CARMIL1: variants seen among roughly 807,000 people sequenced by gnomAD.
CARMIL1 encodes F-actin-uncapping protein LRRC16A.
Under a neutral mutation model 177.1 loss-of-function variants are expected in CARMIL1, and 90 were observed. The ratio of observed to expected loss-of-function variants is 0.51; its 90% confidence interval spans 0.43 to 0.61. The LOEUF (loss-of-function observed/expected upper bound fraction) is 0.61. Among genes scored for constraint, CARMIL1 ranks in the 20% least tolerant of loss-of-function variants. The pLI is 0.00. For missense variants in CARMIL1, 1,380 were observed against 1,667.0 expected, an observed-to-expected ratio of 0.83 and a Z score of 3.00; for synonymous variants, 577 against 606.2, an observed-to-expected ratio of 0.95 and a Z score of 0.71.
Position 25,559,143 on chromosome 6 carries a change from G to A in CARMIL1, c.2742+2293G>A, listed in dbSNP as rs554885986. Among the ~76,000 whole-genome samples the A allele has an allele frequency of 6.8e-4, 104 of 152,228 alleles. 1 individual carries two copies. Among genetic ancestry groups the A allele is most frequent in the Non-Finnish European group, 1.4e-3 (96 of 68,010 alleles). Reference sequence around the variant, plus strand: ...TGGCAGCAGCTGCCCGAAGTGCAAGGATCCCTCTCCTAAAGGAAATCGATT... The same window carrying A: ...TGGCAGCAGCTGCCCGAAGTGCAAGAATCCCTCTCCTAAAGGAAATCGATT... On this transcript the variant is annotated intron_variant, in intron 29 of 36. Coordinates refer to ENST00000329474, the MANE Select transcript of CARMIL1 (RefSeq NM_017640.6).
chr6:25,474,681 C>T (rs949247705), intron 11 of CARMIL1, among the ~76,000 whole-genome samples: 2 of 152,192 alleles, frequency 1.3e-5, no homozygotes, highest in African/African-American at 4.8e-5. Context: ...AGGAGTTTCT[C>T]TAGGGTATAC....
At chr6:25,489,546 A>G (rs570974746) in intron 13 of CARMIL1, among the ~76,000 whole-genome samples, 125 of 152,312 alleles carry the variant, frequency 8.2e-4, no homozygotes, top group African/African-American at 3.0e-3. Context: ...GATCCCCTCT[A>G]GTCACCAAGA....
chr6:25,317,515 C>CT (rs569860618), intron 2 of CARMIL1, among the ~76,000 whole-genome samples: 10,207 of 121,536 alleles, frequency 0.084, 665 homozygotes, highest in African/African-American at 0.2. Flanking sequence ...AATTCCTAAG[C>CT]TTTTTTTTTT....
At chr6:25,423,822 T>C (rs1796068300) in intron 3 of CARMIL1, among the ~76,000 whole-genome samples, 1 of 152,166 alleles carries the variant, frequency 6.6e-6, no homozygotes, top group Non-Finnish European at 1.5e-5. Context: ...ATTTAATTAG[T>C]GTAATTTCTA....
intron 2 of CARMIL1, among the ~76,000 whole-genome samples, chr6:25,396,361 T>C (rs183806265): frequency 9.4e-5 from 14 of 149,038 alleles, no homozygotes; most frequent in East Asian, 5.9e-4. Flanking sequence ...TTTTTTTTTT[T>C]CCTTTTTTTT....
chr6:25,294,697 G>C (rs546898675), intron 2 of CARMIL1, among the ~76,000 whole-genome samples: 102 of 152,204 alleles, frequency 6.7e-4, no homozygotes, highest in Admixed American at 3.7e-3. Context: ...TGGTCTTATA[G>C]TCCTCAGGCT....
At chr6:25,478,789 C>T (rs1801823064) in intron 11 of CARMIL1, among the ~76,000 whole-genome samples, 1 of 148,372 alleles carries the variant, frequency 6.7e-6, no homozygotes, top group Non-Finnish European at 1.5e-5. Context: ...GAGTGGGACT[C>T]CATCTTGGGG....
intron 2 of CARMIL1, among the ~76,000 whole-genome samples, chr6:25,409,961 T>A (rs1794760577): frequency 6.6e-6 from 1 of 152,306 alleles, no homozygotes; most frequent in African/African-American, 2.4e-5. Flanking sequence ...TACCTTAATT[T>A]CTTGATAGGA....
chr6:25,534,596 C>A (rs1246005211), intron 24 of CARMIL1, among the ~76,000 whole-genome samples: 1 of 151,956 alleles, frequency 6.6e-6, no homozygotes, highest in Non-Finnish European at 1.5e-5. Flanking sequence ...AAGCTTATAT[C>A]ATTCATTTAT....
At chr6:25,347,762 T>G (rs1384547339) in intron 2 of CARMIL1, among the ~76,000 whole-genome samples, 1 of 152,258 alleles carries the variant, frequency 6.6e-6, no homozygotes, top group African/African-American at 2.4e-5. Context: ...ACAATACTAT[T>G]AACTAAACTG....
chr6:25,396,683 C>G (rs376858785), intron 2 of CARMIL1, among the ~76,000 whole-genome samples: 16 of 152,224 alleles, frequency 1.1e-4, no homozygotes, highest in East Asian at 7.7e-4. Flanking sequence ...AAGGTAGTTT[C>G]ACTAACTCAT....
At chr6:25,434,045 C>G (rs1194576786) in intron 4 of CARMIL1, among the ~76,000 whole-genome samples, 2 of 152,052 alleles carry the variant, frequency 1.3e-5, no homozygotes. Context: ...AAGTGATAAT[C>G]TAAGAGGATT....
intron 31 of CARMIL1, among the ~76,000 whole-genome samples, chr6:25,584,026 CTT>C (rs71544648): frequency 1.5e-4 from 18 of 119,116 alleles, no homozygotes; most frequent in South Asian, 3.0e-4. Flanking sequence ...TTTTCTTTTT[CTT>C]TTTTTTTTTT....
At chr6:25,529,239 A>G (rs1440887557) in intron 24 of CARMIL1, among the ~76,000 whole-genome samples, 3 of 152,188 alleles carry the variant, frequency 2.0e-5, no homozygotes, top group South Asian at 2.1e-4. Context: ...TCACACTTCC[A>G]TGGGTAGAAT....
At chr6:25,562,749 G>A (rs752523327) in intron 29 of CARMIL1, among the ~76,000 whole-genome samples, 2 of 152,106 alleles carry the variant, frequency 1.3e-5, no homozygotes, top group Non-Finnish European at 2.9e-5. Flanking sequence ...ACTCCTAAGG[G>A]AGAAGATGGG....
chr6:25,577,639 T>G lies in CARMIL1; in HGVS notation c.2743-3285T>G. The stretch of plus-strand genomic sequence containing the variant: ...AAAAAAAGTATGTCTAGGAATTACA[T>G]GTTAAAAGTGGGTTTGACAGGAAAA... On this transcript the variant is annotated intron_variant, in intron 29 of 36. Transcript: ENST00000329474. This position sits in a 1 kb window ranked among gnomAD's most constrained non-coding sequence, Gnocchi z 4.5. Among the ~76,000 whole-genome samples, 1 of 152,120 alleles carries G rather than the reference T, an allele frequency of 6.6e-6. No individual in the cohort carries two copies. Among genetic ancestry groups the G allele is most frequent in the East Asian group, 1.9e-4 (1 of 5,190 alleles).
At chr6:25,298,633 A>G (rs988646656) in intron 2 of CARMIL1, among the ~76,000 whole-genome samples, 1 of 152,204 alleles carries the variant, frequency 6.6e-6, no homozygotes, top group Non-Finnish European at 1.5e-5. Context: ...AGTGAAAAAA[A>G]GAAAACATCA....
chr6:25,299,599 T>C lies in CARMIL1; in HGVS notation c.138+14690T>C, dbSNP rs534369514. ...GTTGTGGGGGCTGTCCTGTGCATGA[T>C]AGGATGTTTACCAGCATCTGTGGCC... On this transcript the variant is annotated intron_variant, in intron 2 of 36. Transcript: ENST00000329474. Among the ~76,000 whole-genome samples, 4 of 152,264 alleles carry C rather than the reference T, an allele frequency of 2.6e-5. No homozygotes were observed. The South Asian group carries it at 6.2e-4, about 24-fold the overall frequency.
At chr6:25,552,101 T>A (rs919322183) in intron 27 of CARMIL1, among the ~76,000 whole-genome samples, 34 of 152,122 alleles carry the variant, frequency 2.2e-4, no homozygotes, top group African/African-American at 6.0e-4. Context: ...CTCAGCTGAA[T>A]TGTAAGGCAA....
Sources: gnomAD v4.1 joint callset for allele counts (sites outside exome capture counted in the v4.1 genomes callset) on GRCh38, gnomAD v4.1.1 for gene constraint, Gnocchi (gnomAD v3.1) non-coding constraint, MANE v1.5 for transcripts, NCBI Gene and HGNC (gene_info 2026-07-23, HGNC 2026-07-21) for gene names.